The following DGKB variants were observed in gnomAD, a reference collection of about 807,000 sequenced individuals.
DGKB encodes the protein diacylglycerol kinase beta.
A neutral mutation model predicts 114.3 loss-of-function variants in DGKB; 67 were observed. That is an observed-to-expected ratio of 0.59 (90% confidence interval 0.48 to 0.72). The LOEUF (loss-of-function observed/expected upper bound fraction) is 0.72. Among genes scored for constraint, DGKB ranks in the 30% least tolerant of loss-of-function variants. The probability of loss-of-function intolerance (pLI) is 0.00; values close to 1 mark genes in which losing one functional copy is unlikely to be tolerated. For synonymous variants in DGKB, 398 were observed against 323.1 expected (o/e 1.23, Z -2.49); for missense variants, 907 against 975.2 (o/e 0.93, Z 0.93).
At chr7:14,578,846 T>G (rs766231778) in intron 19 of DGKB, among the ~76,000 whole-genome samples, 3 of 152,204 alleles carry the variant, frequency 2.0e-5, no homozygotes, top group Non-Finnish European at 4.4e-5. Flanking sequence ...GCATGACAAA[T>G]TCAATCAAGT....
rs60976022 is a variant in DGKB at position 14,485,300 on chromosome 7, GGTGTGT to G, written c.1771-7081_1771-7076del. Among the ~76,000 whole-genome samples the G allele has an allele frequency of 1.9e-3, 263 of 141,968 alleles. 2 individuals carry two copies. Among genetic ancestry groups the G allele is most frequent in the Middle Eastern group, 3.5e-3 (1 of 286 alleles). The allele number at this position is 141,968 out of a possible 152,430, so 93.1% of individuals were successfully genotyped here. On this transcript the variant is annotated intron_variant, in intron 20 of 25. Transcript: ENST00000402815. ...TGTCTTTTAGAACTAATGCTCATGA[GGTGTGT>G]GTGTGTGTGTGTGTGTGTGTGTGTG... is the stretch of plus-strand genomic sequence containing the variant.
intron 23 of DGKB, among the ~76,000 whole-genome samples, chr7:14,285,405 G>C (rs1800718595): frequency 6.6e-6 from 1 of 152,162 alleles, no homozygotes; most frequent in African/African-American, 2.4e-5. Context: ...ATACAGAAAT[G>C]CCCTTTTCAC....
At chr7:14,193,124 C>T (rs1188054089) in intron 23 of DGKB, among the ~76,000 whole-genome samples, 1 of 151,854 alleles carries the variant, frequency 6.6e-6, no homozygotes, top group Non-Finnish European at 1.5e-5. Flanking sequence ...GGCCACAGAC[C>T]CATACGCCTG....
At chr7:14,485,196 T>C (rs1472256624) in intron 20 of DGKB, among the ~76,000 whole-genome samples, 1 of 151,094 alleles carries the variant, frequency 6.6e-6, no homozygotes, top group African/African-American at 2.4e-5. Flanking sequence ...TGTTACAGTG[T>C]CTGAGGAATG....
At chr7:14,736,706 C>T (rs1406353111) in intron 4 of DGKB, among the ~76,000 whole-genome samples, 2 of 152,144 alleles carry the variant, frequency 1.3e-5, no homozygotes, top group African/African-American at 4.8e-5. Flanking sequence ...CAACTAAATG[C>T]CAAGCTCTAT....
At chr7:14,377,334 A>C (rs1203812271) in intron 21 of DGKB, among the ~76,000 whole-genome samples, 1 of 152,224 alleles carries the variant, frequency 6.6e-6, no homozygotes, top group African/African-American at 2.4e-5. Flanking sequence ...ACTCAATGTC[A>C]TATCTATTAT....
chr7:14,630,406 G>A, intron 13 of DGKB, 138 bp from the exon 14 acceptor site: 1 of 542,168 alleles, frequency 1.8e-6, no homozygotes, highest in Non-Finnish European at 3.2e-6. Context: ...TAATTTTACT[G>A]CTTCCTTGAA....
At chr7:14,832,705 T>C (rs1200411892) in intron 2 of DGKB, among the ~76,000 whole-genome samples, 1 of 152,106 alleles carries the variant, frequency 6.6e-6, no homozygotes, top group Non-Finnish European at 1.5e-5. Context: ...GTTGTTTTCA[T>C]GGAGATCTCA....
chr7:14,181,770 T>G (rs1163112347), intron 23 of DGKB, among the ~76,000 whole-genome samples: 1 of 152,202 alleles, frequency 6.6e-6, no homozygotes, highest in African/African-American at 2.4e-5. Context: ...TTTGTTCAGT[T>G]TAATGTTATA....
At chr7:14,958,694 C>A (rs901820116) in intron 1 of DGKB, among the ~76,000 whole-genome samples, 6 of 151,934 alleles carry the variant, frequency 3.9e-5, no homozygotes, top group Non-Finnish European at 8.8e-5. Flanking sequence ...TTATGCACAT[C>A]CTTGGCCATG....
chr7:14,922,562 A>C (rs1057436801), intron 1 of DGKB, among the ~76,000 whole-genome samples: 2 of 152,042 alleles, frequency 1.3e-5, no homozygotes, highest in African/African-American at 4.8e-5. Flanking sequence ...AATGATATAG[A>C]ATAACAGCAG....
chr7:14,840,342 T>C (rs1847752106), intron 2 of DGKB, among the ~76,000 whole-genome samples: 1 of 152,186 alleles, frequency 6.6e-6, no homozygotes, highest in African/African-American at 2.4e-5. Flanking sequence ...CTCATCATTT[T>C]CCAAGTCTTT....
chr7:14,758,914 TAG>T (rs1835277614), intron 2 of DGKB, among the ~76,000 whole-genome samples: 1 of 148,950 alleles, frequency 6.7e-6, no homozygotes, highest in African/African-American at 2.6e-5. Context: ...GATAGATAGA[TAG>T]ATAGATAGAT....
chr7:14,213,395 G>T (rs750847563), intron 23 of DGKB, among the ~76,000 whole-genome samples: 16 of 152,158 alleles, frequency 1.1e-4, no homozygotes, highest in Admixed American at 2.6e-4. Context: ...TTCCCAAGTG[G>T]TACTGGGAGA....
chr7:14,572,913 A>C lies in DGKB; in HGVS notation c.1770+1299T>G, dbSNP rs76248564. Among the ~76,000 whole-genome samples the C allele has an allele frequency of 5.7e-3, 872 of 152,254 alleles. 7 individuals are homozygous for C. The highest frequency in any genetic ancestry group is 0.02 in the Middle Eastern group (6 of 294). Reference sequence around the variant, plus strand: ...CCTTTGTGAGATTTTAGATATTTTTAAATATAGAATGTCCATAAAAGACAA... The same window carrying C: ...CCTTTGTGAGATTTTAGATATTTTTCAATATAGAATGTCCATAAAAGACAA... On this transcript the variant is annotated intron_variant, in intron 20 of 25. Transcript: ENST00000402815.
At chr7:14,706,506 A>T (rs1267217625) in intron 6 of DGKB, among the ~76,000 whole-genome samples, 3 of 149,090 alleles carry the variant, frequency 2.0e-5, no homozygotes, top group Non-Finnish European at 4.5e-5. Context: ...AAATCAACAG[A>T]ATATACATTT....
chr7:14,528,346 G>A (rs1584592920), intron 20 of DGKB, among the ~76,000 whole-genome samples: 2 of 152,100 alleles, frequency 1.3e-5, no homozygotes, highest in African/African-American at 2.4e-5. Flanking sequence ...AATCACCCAC[G>A]ATGCCTTACA....
At chr7:14,199,313 T>TG (rs563484129) in intron 23 of DGKB, among the ~76,000 whole-genome samples, 1 of 151,762 alleles carries the variant, frequency 6.6e-6, no homozygotes, top group South Asian at 2.1e-4. Context: ...ATTAAAGTGG[T>TG]GGGGGGAATA....
chr7:14,412,178 G>GA (rs956916474), intron 21 of DGKB, among the ~76,000 whole-genome samples: 1 of 152,072 alleles, frequency 6.6e-6, no homozygotes, highest in Admixed American at 6.6e-5. Context: ...CACCTATTCA[G>GA]AAAAAATTTG....
Sources: gnomAD v4.1 joint callset for allele counts (sites outside exome capture counted in the v4.1 genomes callset) on GRCh38, gnomAD v4.1.1 for gene constraint, MANE v1.5 for transcripts, NCBI Gene and HGNC (gene_info 2026-07-23, HGNC 2026-07-21) for gene names.